MALRD1: variants seen among roughly 807,000 people sequenced by gnomAD.
The protein encoded by MALRD1 is MAM and LDL receptor class A domain containing 1, also known as MAM and LDL-receptor class A domain-containing protein 1.
MALRD1 carries 247 observed loss-of-function variants against 242.1 expected under a neutral mutation model. That is an observed-to-expected ratio of 1.02 (90% CI 0.92 to 1.13). The LOEUF is 1.13. Ranked by LOEUF, MALRD1 falls within the 50% of genes most tolerant of loss-of-function variation. The pLI, the probability that MALRD1 is intolerant of heterozygous loss-of-function variation, is 0.00. For synonymous variants in MALRD1, 995 were observed against 866.6 expected (o/e 1.15, Z -2.60); for missense variants, 2,989 against 2,533.1 (o/e 1.18, Z -3.86).
intron 29 of MALRD1, among the ~76,000 whole-genome samples, chr10:19,480,952 T>A (rs781156800): frequency 1.1e-4 from 17 of 152,154 alleles, no homozygotes; most frequent in Non-Finnish European, 2.2e-4. Flanking sequence ...TTTAAAAAAC[T>A]GAATATTTAA....
At chr10:19,176,238 G>A (rs893433175) in intron 14 of MALRD1, among the ~76,000 whole-genome samples, 1 of 151,946 alleles carries the variant, frequency 6.6e-6, no homozygotes, top group Admixed American at 6.6e-5. Flanking sequence ...TATTCTTACA[G>A]GAGCTGAATG....
Position 19,448,593 on chromosome 10 carries a change from T to C in MALRD1, c.4846-1714T>C, listed in dbSNP as rs114108143. Among the ~76,000 whole-genome samples, 550 of 152,258 alleles carry C rather than the reference T, an allele frequency of 3.6e-3. 2 individuals carry two copies. The highest frequency in any genetic ancestry group is 0.011 in the African/African-American group (473 of 41,546). ...ATGCTGTTTTAATGAAGTTGTCATT[T>C]TTATTCGGTCATTGGGATTATATGT... On this transcript the variant is annotated intron_variant, in intron 28 of 39. Coordinates refer to ENST00000454679, the MANE Select transcript of MALRD1 (RefSeq NM_001142308.3).
At chr10:19,236,586 T>G (rs546698601) in intron 18 of MALRD1, among the ~76,000 whole-genome samples, 89 of 152,136 alleles carry the variant, frequency 5.9e-4, no homozygotes, top group Non-Finnish European at 1.2e-3. Context: ...CTAAGTTAAC[T>G]TCTTAGATAA....
At chr10:19,371,056 G>A (rs932603720) in intron 26 of MALRD1, among the ~76,000 whole-genome samples, 3 of 145,566 alleles carry the variant, frequency 2.1e-5, no homozygotes, top group Admixed American at 1.4e-4. Flanking sequence ...TTTAGACCAG[G>A]CTGGACAACA....
In MALRD1 at chr10:19,325,006, CTTTTT is replaced by C. The variant is rs34290618; in HGVS notation, c.3576+917_3576+921del. ...CACAAATTTTTGCCTTCAGTAGTTG[CTTTTT>C]TTTTTTTTTTTTTTTGCTTGAACTA... On this transcript the variant is annotated intron_variant, in intron 22 of 39. Transcript: ENST00000454679. Among the ~76,000 whole-genome samples the C allele has an allele frequency of 2.4e-4, 19 of 77,950 alleles. 1 individual carries two copies. The highest frequency in any genetic ancestry group is 1.3e-3 in the East Asian group (3 of 2,354). 51.1% of individuals were successfully genotyped at this position (77,950 alleles called of 152,430 possible).
chr10:19,436,992 A>G (rs1834374928), intron 28 of MALRD1, among the ~76,000 whole-genome samples: 1 of 152,152 alleles, frequency 6.6e-6, no homozygotes. Context: ...TGGGTTTTCT[A>G]GAATATTATG....
At chr10:19,479,546 T>C (rs1836893513) in intron 29 of MALRD1, among the ~76,000 whole-genome samples, 1 of 152,210 alleles carries the variant, frequency 6.6e-6, no homozygotes, top group African/African-American at 2.4e-5. Flanking sequence ...CGAAGCTGTT[T>C]TGAGAATTAC....
chr10:19,504,744 G>A (rs868264750), intron 31 of MALRD1, among the ~76,000 whole-genome samples: 11 of 137,122 alleles, frequency 8.0e-5, no homozygotes, highest in Middle Eastern at 4.3e-3. Flanking sequence ...CTGCAGTGGC[G>A]CAATCTCGGC....
chr10:19,574,516 GAA>G (rs1836709309), intron 33 of MALRD1, among the ~76,000 whole-genome samples: 1 of 152,180 alleles, frequency 6.6e-6, no homozygotes, highest in South Asian at 2.1e-4. Context: ...CAGGCAGAGA[GAA>G]AGAGAGAGAA....
At chr10:19,604,411 A>G (rs950237287) in intron 34 of MALRD1, among the ~76,000 whole-genome samples, 2 of 152,182 alleles carry the variant, frequency 1.3e-5, no homozygotes, top group Admixed American at 6.6e-5. Flanking sequence ...AGCCTAATCT[A>G]TGGCAAAGTT....
intron 25 of MALRD1, among the ~76,000 whole-genome samples, chr10:19,349,977 A>G (rs1844301196): frequency 6.6e-6 from 1 of 152,200 alleles, no homozygotes; most frequent in Non-Finnish European, 1.5e-5. Context: ...ATGTCAAAAA[A>G]TTAATGATGA....
chr10:19,195,843 C>T (rs1021271928), intron 14 of MALRD1, among the ~76,000 whole-genome samples: 6 of 152,114 alleles, frequency 3.9e-5, no homozygotes, highest in Admixed American at 1.3e-4. Context: ...CGGTGCTACC[C>T]AGCAAGCACA....
At chr10:19,571,912 C>A (rs986252030) in intron 33 of MALRD1, among the ~76,000 whole-genome samples, 1 of 152,104 alleles carries the variant, frequency 6.6e-6, no homozygotes, top group Admixed American at 6.5e-5. Flanking sequence ...CTGCTCAGGT[C>A]CAGATTAACA....
intron 28 of MALRD1, among the ~76,000 whole-genome samples, chr10:19,410,146 G>GT (rs1341273791): frequency 6.6e-6 from 1 of 152,072 alleles, no homozygotes; most frequent in Non-Finnish European, 1.5e-5. Flanking sequence ...ACTGCTTATA[G>GT]TTTTTTGTCA....
chr10:19,601,496 C>T (rs1838340076), intron 34 of MALRD1, among the ~76,000 whole-genome samples: 1 of 151,864 alleles, frequency 6.6e-6, no homozygotes, highest in South Asian at 2.1e-4. Flanking sequence ...TTAAATATAA[C>T]ATTAATGCTA....
At chr10:19,288,759 A>G (rs1216414226) in intron 21 of MALRD1, among the ~76,000 whole-genome samples, 1 of 152,074 alleles carries the variant, frequency 6.6e-6, no homozygotes, top group African/African-American at 2.4e-5. Context: ...CTTATATTAA[A>G]GAATCTTTTC....
At chr10:19,404,513 AAT>A (rs1237290554) in intron 28 of MALRD1, among the ~76,000 whole-genome samples, 1 of 152,062 alleles carries the variant, frequency 6.6e-6, no homozygotes, top group African/African-American at 2.4e-5. Flanking sequence ...CCAAGCCACA[AAT>A]ATATGTGTTT....
Position 19,080,030 on chromosome 10 carries a change from A to G in MALRD1, c.341-7810A>G, listed in dbSNP as rs556590449. On this transcript the variant is annotated intron_variant, in intron 2 of 39. Transcript: ENST00000454679. ...ACTTCCATTCACAGTTGCTACAAAG[A>G]GAATAAAACACTGAAGAATATAGTT... Among the ~76,000 whole-genome samples the G allele has an allele frequency of 2.0e-5, 3 of 152,174 alleles. No individual in the cohort carries two copies. The East Asian group carries it at 5.8e-4, about 30-fold the overall frequency.
chr10:19,094,262 C>A (rs2131309618), intron 4 of MALRD1, among the ~76,000 whole-genome samples: 1 of 99,802 alleles, frequency 1.0e-5, no homozygotes, highest in Admixed American at 1.0e-4. Flanking sequence ...GGCATAGGAC[C>A]CTCTGAGCCA....
Sources: allele counts gnomAD v4.1 joint callset (sites outside exome capture counted in the v4.1 genomes callset), GRCh38; gene constraint gnomAD v4.1.1; transcripts MANE v1.5; gene names NCBI Gene and HGNC (gene_info 2026-07-23, HGNC 2026-07-21).